GAS2L3: variants seen among roughly 807,000 people sequenced by gnomAD.
The protein encoded by GAS2L3 is GAS2-like protein 3.
Under a neutral mutation model 37.0 loss-of-function variants are expected in GAS2L3, and 28 were observed. The observed-to-expected ratio is 0.76, with a 90% CI of 0.56 to 1.04. The LOEUF (loss-of-function observed/expected upper bound fraction) is 1.04. Among genes scored for constraint, GAS2L3 ranks in the 50% least tolerant of loss-of-function variants. The pLI, the probability that GAS2L3 is intolerant of heterozygous loss-of-function variation, is 0.00. For missense variants in GAS2L3, 793 were observed against 817.6 expected, an observed-to-expected ratio of 0.97 and a Z score of 0.37; for synonymous variants, 290 against 296.6, an observed-to-expected ratio of 0.98 and a Z score of 0.23.
rs1414397485 is a variant in GAS2L3, at chr12:100,626,582, A to G, written c.*1692A>G. On this transcript the variant is annotated 3_prime_UTR_variant, in exon 10 of 10. Transcript: ENST00000547754. ...CATCTTTTCAGACAGGAAGAATTTTATCATCAAGTATTCCCTTATAAAACC... is the reference window on the plus strand; with the variant it reads ...CATCTTTTCAGACAGGAAGAATTTTGTCATCAAGTATTCCCTTATAAAACC... 6.6e-6 allele frequency: 1 copy of G among 152,224 alleles called. No individual in the cohort carries two copies. The highest frequency in any genetic ancestry group is 1.5e-5 in the Non-Finnish European group (1 of 68,030). The allele number at this position is 152,224 out of a possible 1,614,324, so 9.4% of individuals were successfully genotyped here.
chr12:100,624,640 C>T lies in GAS2L3; in HGVS notation c.1835C>T (p.Pro612Leu). The T allele has an allele frequency of 6.2e-7, 1 of 1,614,102 alleles. No individual in the cohort carries two copies. The highest frequency in any genetic ancestry group is 8.5e-7 in the Non-Finnish European group (1 of 1,180,016). Reference sequence around the variant, plus strand: ...TCCTTGAAGTCTCCTGGCCGTACCCCACTGTCCATCGTGAGCCTACCCCAG... The same window carrying T: ...TCCTTGAAGTCTCCTGGCCGTACCCTACTGTCCATCGTGAGCCTACCCCAG... ...PSSLKSPGRT[P>L]LSIVSLPQSS... The change falls in exon 10 of 10, where the codon CCA (proline) becomes CTA (leucine). Residue 612 changes from proline (P) to leucine (L), a missense_variant. Pro to Leu is a moderately conservative substitution (Grantham distance 98). Transcript: ENST00000547754.
chr12:100,612,938 C>A (rs976062886), intron 6 of GAS2L3, among the ~76,000 whole-genome samples: 1 of 152,174 alleles, frequency 6.6e-6, no homozygotes, highest in Non-Finnish European at 1.5e-5. Context: ...AAATTCTCTA[C>A]TGACAGTACA....
At chr12:100,606,018 G>A (rs1175856796) in intron 5 of GAS2L3, among the ~76,000 whole-genome samples, 1 of 151,942 alleles carries the variant, frequency 6.6e-6, no homozygotes, top group Admixed American at 6.6e-5. Flanking sequence ...GTTCTATAGT[G>A]AAGATTAAGT....
At chr12:100,575,476 A>AT (rs58446699) in intron 1 of GAS2L3, among the ~76,000 whole-genome samples, 5,428 of 88,674 alleles carry the variant, frequency 0.061, 755 homozygotes, top group African/African-American at 0.11. Flanking sequence ...TGTTATCTCT[A>AT]TTTTTTTTTT....
At position 100,624,932 on chromosome 12, in the gene GAS2L3, GT is replaced by G. The variant is rs771227262; in HGVS notation, c.*43del. 1.4e-6 allele frequency: 2 copies of G among 1,410,646 alleles called. No homozygotes were observed. Among genetic ancestry groups the G allele is most frequent in the South Asian group, 2.7e-5 (2 of 74,314 alleles). 87.4% of individuals were successfully genotyped at this position (1,410,646 alleles called of 1,614,324 possible). On this transcript the variant is annotated 3_prime_UTR_variant, in exon 10 of 10. Coordinates refer to ENST00000547754, the MANE Select transcript of GAS2L3 (RefSeq NM_174942.3). ...AAAAAAGAGAAAAGGAAGAATGAAT[GT>G]GTTAGCTTCACATCTTAAAAGTTTC... is the stretch of plus-strand genomic sequence containing the variant.
intron 5 of GAS2L3, among the ~76,000 whole-genome samples, chr12:100,606,429 G>A (rs1956057973): frequency 6.6e-6 from 1 of 151,968 alleles, no homozygotes. Flanking sequence ...ATTGGGTCTT[G>A]CTTTTTCATC....
At chr12:100,617,715 T>A (rs757538599) in intron 6 of GAS2L3, 29 bp from the exon 7 acceptor site, 3 of 1,423,136 alleles carry the variant, frequency 2.1e-6, no homozygotes, top group Non-Finnish European at 2.0e-6. Context: ...AATTTTGCTG[T>A]ATAAAATAAG....
chr12:100,585,457 T>C (rs536860491), intron 1 of GAS2L3, among the ~76,000 whole-genome samples: 47 of 152,132 alleles, frequency 3.1e-4, no homozygotes, highest in African/African-American at 1.1e-3. Context: ...GGTTTCACCA[T>C]GTTGGCCAGG....
At chr12:100,614,493 C>G (rs1452891293) in intron 6 of GAS2L3, among the ~76,000 whole-genome samples, 1 of 151,972 alleles carries the variant, frequency 6.6e-6, no homozygotes, top group Middle Eastern at 3.4e-3. Context: ...ACCATGTAAC[C>G]ATTTTTAAGT....
chr12:100,591,444 A>AT (rs1397750213), intron 1 of GAS2L3, among the ~76,000 whole-genome samples: 2 of 152,180 alleles, frequency 1.3e-5, no homozygotes, highest in Non-Finnish European at 2.9e-5. Context: ...TGTCCTGCCA[A>AT]TTATGATGTG....
intron 3 of GAS2L3, among the ~76,000 whole-genome samples, chr12:100,599,420 T>C (rs1484886115): frequency 6.6e-6 from 1 of 152,200 alleles, no homozygotes; most frequent in Non-Finnish European, 1.5e-5. Context: ...TAGTATTTCA[T>C]GCTTTGTGGA....
intron 1 of GAS2L3, chr12:100,580,140 T>C: frequency 1.2e-6 from 1 of 813,072 alleles, no homozygotes; most frequent in Admixed American, 1.7e-5. Context: ...CCTGGACTCA[T>C]AAATGTTCTC....
In GAS2L3 at chr12:100,594,862, G is replaced by A. The variant is rs753099761; in HGVS notation, c.-30-13G>A. ...ACTGTTAACTGTATGTTAATATTTT[G>A]TTCTTTTTTCAGAAAAGAAATTTCA... On this transcript the variant is annotated splice_polypyrimidine_tract_variant and intron_variant, in intron 2 of 9. Coordinates refer to ENST00000547754, the MANE Select transcript of GAS2L3 (RefSeq NM_174942.3). 8 of 1,094,320 alleles carry A rather than the reference G, an allele frequency of 7.3e-6. No individual in the cohort carries two copies. Among genetic ancestry groups the A allele is most frequent in the Admixed American group, 2.9e-5 (1 of 35,042 alleles). The allele number at this position is 1,094,320 out of a possible 1,614,324, so 67.8% of individuals were successfully genotyped here. A position where few individuals can be genotyped will look rare whatever the true frequency, so the allele number is the denominator to read the frequency against.
intron 6 of GAS2L3, among the ~76,000 whole-genome samples, chr12:100,613,761 A>AT (rs1956154992): frequency 1.3e-5 from 2 of 152,030 alleles, no homozygotes; most frequent in Non-Finnish European, 2.9e-5. Flanking sequence ...CGCCTGGCTA[A>AT]TTTTTTGTAT....
intron 6 of GAS2L3, among the ~76,000 whole-genome samples, chr12:100,613,096 A>T (rs1222300117): frequency 6.6e-6 from 1 of 152,220 alleles, no homozygotes; most frequent in Admixed American, 6.5e-5. Context: ...CATTATTGAC[A>T]GTGTAGTTGA....
chr12:100,582,410 A>G (rs1955724790), intron 1 of GAS2L3, among the ~76,000 whole-genome samples: 1 of 152,188 alleles, frequency 6.6e-6, no homozygotes, highest in Non-Finnish European at 1.5e-5. Context: ...CTGGATGTAT[A>G]CGTGCAGGTC....
rs1233278307 is a variant in GAS2L3 at position 100,623,963 on chromosome 12, G to A, written c.1158G>A (p.Lys386=). ...CAGCATCTTCTCATCCCAAGCTCAA[G>A]TCTTCAAAAGGCATAACGAAGAAAC... ...SPAASSHPKL[K]SSKGITKKPQ... is the part of the protein sequence containing the mutation. Residue 386 remains lysine (K), a synonymous_variant, in exon 10 of 10, where the codon AAG becomes AAA. Transcript: ENST00000547754. 6.2e-7 allele frequency: 1 copy of A among 1,613,884 alleles called. No homozygotes were observed. The highest frequency in any genetic ancestry group is 8.5e-7 in the Non-Finnish European group (1 of 1,180,002).
chr12:100,594,814 T>G, intron 2 of GAS2L3, 61 bp from the exon 3 acceptor site: 1 of 515,446 alleles, frequency 1.9e-6, no homozygotes, highest in Non-Finnish European at 3.3e-6. Context: ...AATTTGGGGG[T>G]TTGGGGGAGT....
At chr12:100,601,186 G>A (rs1340498907) in intron 4 of GAS2L3, among the ~76,000 whole-genome samples, 1 of 151,992 alleles carries the variant, frequency 6.6e-6, no homozygotes, top group Non-Finnish European at 1.5e-5. Flanking sequence ...CACTGTAGTT[G>A]TCTATTATCA....
Sources: allele counts gnomAD v4.1 joint callset (sites outside exome capture counted in the v4.1 genomes callset), GRCh38; gene constraint gnomAD v4.1.1; transcripts MANE v1.5; gene names NCBI Gene and HGNC (gene_info 2026-07-23, HGNC 2026-07-21).